The following DHRSX variants were observed in gnomAD, a reference collection of about 807,000 sequenced individuals.
DHRSX encodes polyprenol dehydrogenase.
A neutral mutation model predicts 34.0 loss-of-function variants in DHRSX; 31 were observed. The ratio of observed to expected loss-of-function variants is 0.91; its 90% confidence interval spans 0.69 to 1.23. The LOEUF is 1.23. Among genes scored for constraint, DHRSX ranks in the 50% most tolerant of loss-of-function variants. The pLI, the probability that DHRSX is intolerant of heterozygous loss-of-function variation, is 0.00. For synonymous variants in DHRSX, 201 were observed against 183.8 expected, an observed-to-expected ratio of 1.09 and a Z score of -0.76; for missense variants, 414 against 428.1, an observed-to-expected ratio of 0.97 and a Z score of 0.29.
At chrX:2,368,987 G>T (rs1294347783) in intron 3 of DHRSX, among the ~76,000 whole-genome samples, 4 of 152,146 alleles carry the variant, frequency 2.6e-5, no homozygotes, top group Non-Finnish European at 4.4e-5. Flanking sequence ...AGAATATTTT[G>T]AAACTACACA....
At chrX:2,297,109 C>G (rs2041943889) in intron 3 of DHRSX, among the ~76,000 whole-genome samples, 1 of 152,172 alleles carries the variant, frequency 6.6e-6, no homozygotes, top group Non-Finnish European at 1.5e-5. Flanking sequence ...TGCTGAATTA[C>G]TTTCCTTTTT....
At chrX:2,334,181 T>TTTTTTTTTTTTTTTTTA (rs1569490397) in intron 3 of DHRSX, 11 of 148,486 alleles carry the variant, frequency 7.4e-5, no homozygotes, top group African/African-American at 2.5e-4. Context: ...TTTTTTTTTT[T>TTTTTTTTTTTTTTTTTA]GAGACACAGT....
chrX:2,386,090 T>C (rs1336719322), intron 3 of DHRSX, among the ~76,000 whole-genome samples: 2 of 152,128 alleles, frequency 1.3e-5, no homozygotes, highest in African/African-American at 4.8e-5. Flanking sequence ...TGTTCCAGGG[T>C]CAACAGTTTC....
At chrX:2,500,503 G>T (rs777918609) in intron 1 of DHRSX, 1 of 156,448 alleles carries the variant, frequency 6.4e-6, no homozygotes, top group Non-Finnish European at 1.4e-5. Flanking sequence ...GCGGCTGCAC[G>T]GGGGCTGCTT....
At chrX:2,448,314 T>C (rs1245790033) in intron 1 of DHRSX, among the ~76,000 whole-genome samples, 4 of 152,144 alleles carry the variant, frequency 2.6e-5, no homozygotes, top group Non-Finnish European at 5.9e-5. Flanking sequence ...CCGTGGGTGA[T>C]AGGGTGAGAC....
intron 4 of DHRSX, among the ~76,000 whole-genome samples, chrX:2,275,446 T>C (rs1218002135): frequency 6.6e-6 from 1 of 151,174 alleles, no homozygotes; most frequent in South Asian, 2.1e-4. Context: ...GAGGCAGAGG[T>C]TGCAGTGAGC....
At chrX:2,468,909 CGCT>C (rs1569504344) in intron 1 of DHRSX, among the ~76,000 whole-genome samples, 1 of 148,218 alleles carries the variant, frequency 6.7e-6, no homozygotes, top group Non-Finnish European at 1.5e-5. Flanking sequence ...GCCAAGTGAC[CGCT>C]GCCGTTGCAC....
intron 3 of DHRSX, among the ~76,000 whole-genome samples, chrX:2,391,816 A>G (rs769038292): frequency 2.3e-4 from 35 of 152,244 alleles, no homozygotes; most frequent in African/African-American, 7.2e-4. Context: ...AATCCCAGCT[A>G]CTGGGGAGAC....
intron 1 of DHRSX, among the ~76,000 whole-genome samples, chrX:2,470,917 GATTGTTA>G (rs1206894841): frequency 1.5e-5 from 1 of 67,872 alleles, no homozygotes; most frequent in Non-Finnish European, 3.0e-5. Flanking sequence ...AAATTAGCTT[GATTGTTA>G]ATATGTTAAT....
chrX:2,402,149 C>A (rs1267899214), intron 3 of DHRSX, among the ~76,000 whole-genome samples: 1 of 152,216 alleles, frequency 6.6e-6, no homozygotes, highest in African/African-American at 2.4e-5. Context: ...CACTCCACAG[C>A]AATCTGTGCT....
intron 5 of DHRSX, among the ~76,000 whole-genome samples, chrX:2,263,662 C>T (rs1434218475): frequency 6.6e-6 from 1 of 151,742 alleles, no homozygotes; most frequent in African/African-American, 2.4e-5. Context: ...TACAGGCGTC[C>T]ACCACCACGC....
intron 3 of DHRSX, among the ~76,000 whole-genome samples, chrX:2,348,200 C>T (rs2042744563): frequency 6.6e-6 from 1 of 152,140 alleles, no homozygotes; most frequent in African/African-American, 2.4e-5. Flanking sequence ...ACTAAAGCTT[C>T]TCTGCAGGAA....
At chrX:2,331,436 G>GTTTTTTTTTTTTTTTTTTTT (rs1159991841) in intron 3 of DHRSX, among the ~76,000 whole-genome samples, 3 of 94,656 alleles carry the variant, frequency 3.2e-5, no homozygotes, top group Non-Finnish European at 6.5e-5. Context: ...AGGTTTTTTG[G>GTTTTTTTTTTTTTTTTTTTT]TTTTTTTTTT....
At chrX:2,272,090 C>T (rs1250195649) in intron 4 of DHRSX, among the ~76,000 whole-genome samples, 1 of 151,884 alleles carries the variant, frequency 6.6e-6, no homozygotes, top group Non-Finnish European at 1.5e-5. Context: ...CAACTCACAA[C>T]TGCAAACATA....
chrX:2,338,641 T>C (rs1332546295), intron 3 of DHRSX, among the ~76,000 whole-genome samples: 1 of 152,064 alleles, frequency 6.6e-6, no homozygotes, highest in Non-Finnish European at 1.5e-5. Flanking sequence ...TCTTCCCTCC[T>C]GTCTCTTCGT....
At chrX:2,446,084 T>C (rs192300028) in intron 1 of DHRSX, among the ~76,000 whole-genome samples, 3,941 of 147,994 alleles carry the variant, frequency 0.027, 106 homozygotes, top group Admixed American at 0.054. Context: ...ACACTGAAGA[T>C]GTTCCCGAAG....
At chrX:2,423,633 T>A (rs2043808391) in intron 2 of DHRSX, among the ~76,000 whole-genome samples, 1 of 152,080 alleles carries the variant, frequency 6.6e-6, no homozygotes, top group African/African-American at 2.4e-5. Flanking sequence ...AGAGTGGGCA[T>A]AATACACATT....
chrX:2,291,531 T>C lies in DHRSX; in HGVS notation c.359A>G (p.Lys120Arg). 2 of 1,613,890 alleles carry C rather than the reference T, an allele frequency of 1.2e-6. No homozygotes were observed. ...GTTGATCAGGACATGGAGAGGAATC[T>C]TCTTCATCTTGAACTTCTGCACAAA... ...RQFVQKFKMK[K>R]IPLHVLINNA... The change falls in exon 4 of 7, where the codon AAG (lysine) becomes AGG (arginine). Residue 120 changes from lysine to arginine, a missense_variant. Lys to Arg is a conservative substitution (Grantham distance 26). Transcript: ENST00000334651.
chrX:2,264,508 C>T lies in DHRSX; in HGVS notation c.596+2232G>A, dbSNP rs752955063. Among the ~76,000 whole-genome samples the T allele has an allele frequency of 1.1e-4, 16 of 150,928 alleles. No homozygotes were observed. The South Asian group carries it at 3.4e-3, about 32-fold the overall frequency. ...CCAGAGCACCTGTGTCCAGCAGACT[C>T]AGGGAGCACTGTGCCCAGAGCACCT... is the stretch of plus-strand genomic sequence containing the variant. On this transcript the variant is annotated intron_variant, in intron 5 of 6. Coordinates refer to ENST00000334651, the MANE Select transcript of DHRSX (RefSeq NM_145177.3).
Sources: allele counts gnomAD v4.1 joint callset (sites outside exome capture counted in the v4.1 genomes callset), GRCh38; gene constraint gnomAD v4.1.1; transcripts MANE v1.5; gene names NCBI Gene and HGNC (gene_info 2026-07-23, HGNC 2026-07-21).